Variants in MARCHF1 observed in about 807,000 individuals in gnomAD.
The protein encoded by MARCHF1 is E3 ubiquitin-protein ligase MARCHF1.
In MARCHF1, 40 loss-of-function variants were observed where a neutral mutation model predicts 54.2. The ratio of observed to expected loss-of-function variants is 0.74; its 90% CI spans 0.57 to 0.96. The LOEUF is 0.96. Ranked by LOEUF, MARCHF1 falls within the 40% of genes least tolerant of loss-of-function variation. MARCHF1 has a pLI of 0.00. For synonymous variants in MARCHF1, 236 were observed against 236.3 expected (o/e 1.00, Z 0.01); for missense variants, 586 against 656.5 (o/e 0.89, Z 1.17).
At chr4:163,943,155 T>C (rs886889509) in intron 3 of MARCHF1, among the ~76,000 whole-genome samples, 1 of 152,226 alleles carries the variant, frequency 6.6e-6, no homozygotes, top group Non-Finnish European at 1.5e-5. Context: ...ATGTTTACTC[T>C]GTTGATAATT....
At chr4:164,194,131 T>C (rs1017624664) in intron 1 of MARCHF1, among the ~76,000 whole-genome samples, 5 of 152,170 alleles carry the variant, frequency 3.3e-5, no homozygotes, top group African/African-American at 1.2e-4. Flanking sequence ...TGCATTATAG[T>C]GAATCATAGA....
At chr4:163,865,183 C>G (rs1313158256) in intron 3 of MARCHF1, among the ~76,000 whole-genome samples, 2 of 151,834 alleles carry the variant, frequency 1.3e-5, no homozygotes, top group Non-Finnish European at 2.9e-5. Context: ...AGGCATGAAA[C>G]TATGAGTGTA....
intron 1 of MARCHF1, among the ~76,000 whole-genome samples, chr4:164,143,886 TAA>T: frequency 6.6e-6 from 1 of 152,064 alleles, no homozygotes; most frequent in East Asian, 1.9e-4. Context: ...GCAAATTGGA[TAA>T]AGAGTCAAGA....
chr4:164,209,977 T>C (rs948358438), intron 1 of MARCHF1, among the ~76,000 whole-genome samples: 2 of 152,202 alleles, frequency 1.3e-5, no homozygotes, highest in Non-Finnish European at 2.9e-5. Flanking sequence ...GTTATTTGAA[T>C]AAACATCTTG....
Position 163,792,551 on chromosome 4 carries a change from A to C in MARCHF1, c.111+61470T>G, listed in dbSNP as rs568911119. 8.5e-5 allele frequency among the ~76,000 whole-genome samples: 13 copies of C among 152,196 alleles called. 1 individual carries two copies. The highest frequency in any genetic ancestry group is 2.9e-4 in the African/African-American group (12 of 41,554). ...TAATTCTTTTATAGTGACATAACTA[A>C]ATCTCCATCATATGTACAGCTAAAT... On this transcript the variant is annotated intron_variant, in intron 4 of 9. Transcript: ENST00000514618.
At chr4:164,152,205 G>A (rs932129702) in intron 1 of MARCHF1, among the ~76,000 whole-genome samples, 1 of 152,174 alleles carries the variant, frequency 6.6e-6, no homozygotes, top group African/African-American at 2.4e-5. Context: ...CTTGGTGTAA[G>A]TGAAATCAAA....
intron 3 of MARCHF1, among the ~76,000 whole-genome samples, chr4:163,979,674 C>A (rs1015745832): frequency 2.0e-5 from 3 of 152,070 alleles, no homozygotes; most frequent in Admixed American, 6.5e-5. Context: ...CACATCCTCT[C>A]CAGCACCTGT....
At chr4:164,230,615 C>T (rs1203431136) in intron 1 of MARCHF1, among the ~76,000 whole-genome samples, 2 of 151,942 alleles carry the variant, frequency 1.3e-5, no homozygotes, top group Non-Finnish European at 2.9e-5. Flanking sequence ...TACTATACTA[C>T]CAAATACTAA....
At chr4:164,175,694 G>C (rs1476170832) in intron 1 of MARCHF1, among the ~76,000 whole-genome samples, 1 of 152,162 alleles carries the variant, frequency 6.6e-6, no homozygotes, top group Non-Finnish European at 1.5e-5. Flanking sequence ...AGATGATAAA[G>C]GAATTCTGCT....
rs574984086 is a variant in MARCHF1, at chr4:164,129,951, CAAGAA to C, written c.-322-18294_-322-18290del. ...TAAACCAGAACTTAAAATTTGAAAA[CAAGAA>C]AAGAAAATTGTCCTAAACAATCACA... On this transcript the variant is annotated intron_variant, in intron 1 of 9. Coordinates refer to ENST00000514618, the MANE Select transcript of MARCHF1 (RefSeq NM_001394959.1). The C allele has an allele frequency of 2.4e-4, 36 of 152,126 alleles. No individual in the cohort carries two copies. In the East Asian group the frequency reaches 6.4e-3, roughly 27 times the overall value. 9.4% of individuals were successfully genotyped at this position (152,126 alleles called of 1,614,324 possible).
intron 1 of MARCHF1, chr4:164,197,228 C>T (rs747113168): frequency 6.2e-7 from 1 of 1,610,614 alleles, no homozygotes; most frequent in South Asian, 1.1e-5. Flanking sequence ...TCATCCAGGC[C>T]CTCCACGTGG....
chr4:163,886,348 GA>G (rs1454679036), intron 3 of MARCHF1, among the ~76,000 whole-genome samples: 8 of 138,484 alleles, frequency 5.8e-5, no homozygotes, highest in African/African-American at 1.6e-4. Context: ...TAGATAGATA[GA>G]TATAGATAGA....
At chr4:163,862,459 T>C (rs764655909) in intron 3 of MARCHF1, among the ~76,000 whole-genome samples, 12 of 152,018 alleles carry the variant, frequency 7.9e-5, no homozygotes, top group Non-Finnish European at 1.6e-4. Context: ...GAAAAGATGC[T>C]CAACATTATA....
chr4:164,070,381 G>C (rs1165250113), intron 2 of MARCHF1, among the ~76,000 whole-genome samples: 1 of 152,112 alleles, frequency 6.6e-6, no homozygotes, highest in Non-Finnish European at 1.5e-5. Flanking sequence ...AGAGATTTGA[G>C]ATATTCAGGA....
intron 5 of MARCHF1, among the ~76,000 whole-genome samples, chr4:163,689,185 G>A (rs1744364402): frequency 6.6e-6 from 1 of 152,074 alleles, no homozygotes; most frequent in African/African-American, 2.4e-5. Context: ...GACCATTTAT[G>A]GTCAATAGTT....
chr4:164,375,334 AT>A, intron 1 of MARCHF1, among the ~76,000 whole-genome samples: 1 of 152,204 alleles, frequency 6.6e-6, no homozygotes, highest in East Asian at 1.9e-4. Context: ...ACTAGCAAAA[AT>A]ATATAAATTT....
intron 1 of MARCHF1, among the ~76,000 whole-genome samples, chr4:164,351,043 C>T (rs986543619): frequency 5.9e-5 from 9 of 152,128 alleles, no homozygotes; most frequent in Non-Finnish European, 1.0e-4. Context: ...CCGAATACTG[C>T]GCTTTTCAGA....
intron 3 of MARCHF1, among the ~76,000 whole-genome samples, chr4:163,884,981 C>T (rs1750496345): frequency 6.6e-6 from 1 of 152,134 alleles, no homozygotes; most frequent in East Asian, 1.9e-4. Flanking sequence ...CAGATGGTGA[C>T]ATTTTAGGAT....
chr4:164,316,577 C>A (rs2110742073), intron 1 of MARCHF1, among the ~76,000 whole-genome samples: 3 of 152,048 alleles, frequency 2.0e-5, no homozygotes. Flanking sequence ...TATACTTATC[C>A]ACTGAAGCAG....
Sources: allele counts gnomAD v4.1 joint callset (sites outside exome capture counted in the v4.1 genomes callset), GRCh38; gene constraint gnomAD v4.1.1; transcripts MANE v1.5; gene names NCBI Gene and HGNC (gene_info 2026-07-23, HGNC 2026-07-21).